The following FCHSD1 variants were observed in gnomAD, a reference collection of about 807,000 sequenced individuals.
FCHSD1 encodes the protein F-BAR and double SH3 domains protein 1.
FCHSD1 carries 109 observed loss-of-function variants against 101.3 expected under a neutral mutation model. The observed-to-expected ratio is 1.08, with a 90% CI of 0.92 to 1.26. The LOEUF (loss-of-function observed/expected upper bound fraction) is 1.26, where lower values mean the gene tolerates loss of function less well. Among genes scored for constraint, FCHSD1 ranks in the 50% most tolerant of loss-of-function variants. The pLI is 0.00. For synonymous variants in FCHSD1, 291 were observed against 356.8 expected, an observed-to-expected ratio of 0.82 and a Z score of 2.08; for missense variants, 820 against 895.8, an observed-to-expected ratio of 0.92 and a Z score of 1.08.
At position 141,641,748 on chromosome 5, in the gene FCHSD1, A is replaced by G; in HGVS notation, c.1961T>C (p.Leu654Pro). 6.2e-7 allele frequency: 1 copy of G among 1,614,058 alleles called. No homozygotes were observed. The highest frequency in any genetic ancestry group is 8.5e-7 in the Non-Finnish European group (1 of 1,179,898). The change falls in exon 19 of 20, where the codon CTG (leucine) becomes CCG (proline). Residue 654 changes from leucine to proline, a missense_variant. Coordinates refer to ENST00000435817, the MANE Select transcript of FCHSD1 (RefSeq NM_033449.3). The stretch of plus-strand genomic sequence containing the variant: ...CATGTCCAGGAACCCAGGGAAGTCC[A>G]GGGCTTTGTCTGGAAATAAGAACCA... The part of the protein sequence containing the change: ...PAPVLPGDKA[L>P]DFPGFLDMMA...
chr5:141,646,888 C>T (rs2099907733), intron 10 of FCHSD1, among the ~76,000 whole-genome samples, 166 bp from the exon 11 acceptor site: 2 of 152,150 alleles, frequency 1.3e-5, no homozygotes, highest in African/African-American at 4.8e-5. Flanking sequence ...TACAGAGCTT[C>T]AGAAATGGGA....
At position 141,649,956 on chromosome 5, in the gene FCHSD1, TG is replaced by T; in HGVS notation, c.166-3del. ...TGGGCCAGCCAGTTTCTGGAGTGCC[TG>T]GTGAAAAAGCCATCACAGAACCAAG... is the stretch of plus-strand genomic sequence containing the variant. On this transcript the variant is annotated splice_region_variant and splice_polypyrimidine_tract_variant and intron_variant, in intron 3 of 19. Transcript: ENST00000435817. This position sits in a 1 kb window ranked among gnomAD's most constrained non-coding sequence, Gnocchi z 4.1. 6.5e-7 allele frequency: 1 copy of T among 1,541,182 alleles called. No individual in the cohort carries two copies. Among genetic ancestry groups the T allele is most frequent in the Non-Finnish European group, 8.7e-7 (1 of 1,145,208 alleles).
rs780963876 is a variant in FCHSD1 at position 141,640,135 on chromosome 5, G to A, written c.*1363C>T. The A allele has an allele frequency of 6.2e-7, 1 of 1,614,066 alleles. No individual in the cohort carries two copies. Among genetic ancestry groups the A allele is most frequent in the South Asian group, 1.1e-5 (1 of 91,088 alleles). ...CTAGCCAGCCCCCCAGTACAGAATGGAGGACTCAGGGACAGCAGCCTAACC... is the reference window on the plus strand; with the variant it reads ...CTAGCCAGCCCCCCAGTACAGAATGAAGGACTCAGGGACAGCAGCCTAACC... On this transcript the variant is annotated 3_prime_UTR_variant, in exon 20 of 20. Coordinates refer to ENST00000435817, the MANE Select transcript of FCHSD1 (RefSeq NM_033449.3).
Position 141,649,449 on chromosome 5 carries a change from G to T in FCHSD1, c.321C>A (p.Tyr107Ter). Residue 107 changes from tyrosine (Y) to a stop codon, truncating the protein, a stop_gained, in exon 5 of 20, where the codon TAC (tyrosine) becomes TAA (stop). Transcript: ENST00000435817. LOFTEE classifies it high-confidence loss of function. This position sits in a 1 kb window ranked among gnomAD's most constrained non-coding sequence, Gnocchi z 4.1. Reference sequence around the variant, plus strand: ...GCCCTGTACCCCCTGCTAGGTCACGGTATCGGTCAGACGCCTGGAGTCGGG... The same window carrying T: ...GCCCTGTACCCCCTGCTAGGTCACGTTATCGGTCAGACGCCTGGAGTCGGG... ...GQTRLQASDR[Y>*]RDLAGGTGRS... 2 of 1,614,010 alleles carry T rather than the reference G, an allele frequency of 1.2e-6. No homozygotes were observed. Among genetic ancestry groups the T allele is most frequent in the South Asian group, 1.1e-5 (1 of 91,090 alleles).
At position 141,641,372 on chromosome 5, in the gene FCHSD1, G is replaced by C; in HGVS notation, c.*126C>G. On this transcript the variant is annotated 3_prime_UTR_variant, in exon 20 of 20. Coordinates refer to ENST00000435817, the MANE Select transcript of FCHSD1 (RefSeq NM_033449.3). ...GGGAAGGGGCAAGTTTCCACCCTTG[G>C]AGGTGAGGGTGGAAATAAGGGCGAT... The C allele has an allele frequency of 1.3e-5, 11 of 835,230 alleles. No homozygotes were observed. Among genetic ancestry groups the C allele is most frequent in the Non-Finnish European group, 1.8e-5 (10 of 569,374 alleles). 51.7% of individuals were successfully genotyped at this position (835,230 alleles called of 1,614,324 possible). A position where few individuals can be genotyped will look rare whatever the true frequency, so the allele number is the denominator to read the frequency against.
At chr5:141,642,731 C>T in intron 18 of FCHSD1, 1 of 542,660 alleles carries the variant, frequency 1.8e-6, no homozygotes, top group Non-Finnish European at 3.2e-6. Flanking sequence ...TCTTTTTTAA[C>T]TCTCATAAGA....
rs1027704076 is a variant in FCHSD1 at position 141,641,557 on chromosome 5, G to A, written c.2014C>T (p.Pro672Ser). 2.0e-6 allele frequency: 3 copies of A among 1,538,160 alleles called. No individual in the cohort carries two copies. Among genetic ancestry groups the A allele is most frequent in the African/African-American group, 2.7e-5 (2 of 72,850 alleles). Reference sequence around the variant, plus strand: ...GCTTTAGCCGGCGGGGGAGGTGGTGGACGCATCTGTAGGGAACACACAGTT... The same window carrying A: ...GCTTTAGCCGGCGGGGGAGGTGGTGAACGCATCTGTAGGGAACACACAGTT... Reference protein sequence around the residue: ...MMAPRLRPMRPPPPPPAKAPD... With the variant: ...MMAPRLRPMRSPPPPPAKAPD... The change falls in exon 20 of 20, where the codon CCA becomes TCA. Residue 672 changes from proline (P) to serine (S), a missense_variant. Physicochemically the swap from Pro to Ser is moderately conservative, Grantham distance 74 (BLOSUM62 -1). Coordinates refer to ENST00000435817, the MANE Select transcript of FCHSD1 (RefSeq NM_033449.3).
rs766305911 is a variant in FCHSD1, at chr5:141,647,418, C to T, written c.808G>A (p.Gly270Arg). The T allele has an allele frequency of 1.0e-5, 16 of 1,601,478 alleles. No homozygotes were observed. The highest frequency in any genetic ancestry group is 1.7e-4 in the Middle Eastern group (1 of 5,824). Residue 270 changes from glycine to arginine, a missense_variant, in exon 9 of 20, where the codon GGG becomes AGG. Coordinates refer to ENST00000435817, the MANE Select transcript of FCHSD1 (RefSeq NM_033449.3). ...AEVILEHAHR[G>R]EQTTSQVSWE... ...CTCACCTGGGAGGTTGTCTGCTCCC[C>T]GCGGTGGGCATGCTCCAGGATGACC... is the stretch of plus-strand genomic sequence containing the variant.
chr5:141,646,033 G>A, intron 12 of FCHSD1, 54 bp downstream of exon 12: 1 of 1,560,242 alleles, frequency 6.4e-7, no homozygotes, highest in Non-Finnish European at 8.7e-7. Context: ...AGGAGTAGAG[G>A]GAGTGGGGCT....
In FCHSD1 at chr5:141,649,591, C is replaced by T; in HGVS notation, c.234-55G>A. On this transcript the variant is annotated intron_variant, in intron 4 of 19. Transcript: ENST00000435817. This position sits in a 1 kb window ranked among gnomAD's most constrained non-coding sequence, Gnocchi z 4.1. ...AGAGCACTCCACAGCTTCATGAGAC[C>T]ACCCCCACCCCCTGCCCCCTGACCA... The T allele has an allele frequency of 6.4e-7, 1 of 1,564,016 alleles. No homozygotes were observed.
At chr5:141,647,731 G>T in intron 8 of FCHSD1, 1 of 957,066 alleles carries the variant, frequency 1.0e-6, no homozygotes, top group Non-Finnish European at 1.5e-6. Flanking sequence ...AGTGCTATAA[G>T]ATAGGCAGAG....
At position 141,639,471 on chromosome 5, in the gene FCHSD1, G is replaced by A; in HGVS notation, c.*2027C>T. ...CTCCTCCCTGCTGTCCAGTGTGGAT[G>A]CCACCTCCAGCCTGCAGGACGGAGC... On this transcript the variant is annotated 3_prime_UTR_variant, in exon 20 of 20. Coordinates refer to ENST00000435817, the MANE Select transcript of FCHSD1 (RefSeq NM_033449.3). This position sits in a 1 kb window ranked among gnomAD's most constrained non-coding sequence, Gnocchi z 4.4. 1 of 1,610,426 alleles carries A rather than the reference G, an allele frequency of 6.2e-7. No homozygotes were observed. The highest frequency in any genetic ancestry group is 8.5e-7 in the Non-Finnish European group (1 of 1,177,626).
chr5:141,646,797 T>C, intron 10 of FCHSD1, 75 bp from the exon 11 acceptor site: 1 of 1,544,224 alleles, frequency 6.5e-7, no homozygotes, highest in Non-Finnish European at 8.7e-7. Flanking sequence ...TTTTCCACTC[T>C]ATCTTGACCT....
rs202034143 is a variant in FCHSD1, at chr5:141,651,359, G to A, written c.10C>T (p.Pro4Ser). The change falls in exon 1 of 20, where the codon CCG becomes TCG. Residue 4 changes from proline (P) to serine (S), a missense_variant. Physicochemically the swap from Pro to Ser is moderately conservative, Grantham distance 74. Coordinates refer to ENST00000435817, the MANE Select transcript of FCHSD1 (RefSeq NM_033449.3). MQP[P>S]PRKVKPAQEV... ...AGGGCCAAGCTCACTTTTCGGGGCG[G>A]CGGCTGCATCTCCGCTCCAGCAAGG... 2 of 1,553,912 alleles carry A rather than the reference G, an allele frequency of 1.3e-6. No individual in the cohort carries two copies. The highest frequency in any genetic ancestry group is 1.7e-6 in the Non-Finnish European group (2 of 1,148,336).
intron 18 of FCHSD1, chr5:141,642,561 C>A: frequency 1.9e-6 from 1 of 535,096 alleles, no homozygotes; most frequent in Non-Finnish European, 3.3e-6. Flanking sequence ...AAAAAGTGGG[C>A]ATCAGAAAAA....
Position 141,644,229 on chromosome 5 carries a change from CAG to C in FCHSD1, c.1850_1851del (p.Ser617Ter). ...AAGGTAAGCCTCACCTGTTCAGGGT[CAG>C]AGAGTTCAGGTGGCCCTGGGGGGCC... Reference protein sequence around the residue: ...LLGPPGPPELSDPEQMLPSPS... With the variant: ...LLGPPGPPELXDPEQMLPSPS... On this transcript the variant is annotated frameshift_variant, in exon 17 of 20. Transcript: ENST00000435817. LOFTEE classifies it high-confidence loss of function. 1.2e-6 allele frequency: 2 copies of C among 1,611,528 alleles called. No individual in the cohort carries two copies. Among genetic ancestry groups the C allele is most frequent in the Non-Finnish European group, 1.7e-6 (2 of 1,178,808 alleles).
chr5:141,643,314 C>T (rs913989365), intron 17 of FCHSD1, among the ~76,000 whole-genome samples: 3 of 152,014 alleles, frequency 2.0e-5, no homozygotes, highest in African/African-American at 7.3e-5. Context: ...TTCACGTGTA[C>T]CAATTCATTC....
chr5:141,641,571 G>A lies in FCHSD1; in HGVS notation c.2008-8C>T. The A allele has an allele frequency of 6.4e-7, 1 of 1,570,610 alleles. No homozygotes were observed. Among genetic ancestry groups the A allele is most frequent in the Non-Finnish European group, 8.7e-7 (1 of 1,156,032 alleles). On this transcript the variant is annotated splice_polypyrimidine_tract_variant and splice_region_variant and intron_variant, in intron 19 of 19. Coordinates refer to ENST00000435817, the MANE Select transcript of FCHSD1 (RefSeq NM_033449.3). ...GGGAGGTGGTGGACGCATCTGTAGG[G>A]AACACACAGTTAGTGCTCCAGAGTT...
In FCHSD1 at chr5:141,644,360, C is replaced by G; in HGVS notation, c.1721G>C (p.Arg574Pro). Reference sequence around the variant, plus strand: ...TCCATCTTGGGCCCGGGGCAGCAGACGGATGAGTGCCCCCTCAGGGAAGCT... The same window carrying G: ...TCCATCTTGGGCCCGGGGCAGCAGAGGGATGAGTGCCCCCTCAGGGAAGCT... ...ELSFPEGALI[R>P]LLPRAQDGVD... is the part of the protein sequence containing the mutation. The change falls in exon 17 of 20, where the codon CGT becomes CCT. Residue 574 changes from arginine (R) to proline (P), a missense_variant. Transcript: ENST00000435817. The G allele has an allele frequency of 6.2e-7, 1 of 1,613,976 alleles. No homozygotes were observed. The highest frequency in any genetic ancestry group is 8.5e-7 in the Non-Finnish European group (1 of 1,179,880).
Sources: allele counts gnomAD v4.1 joint callset (sites outside exome capture counted in the v4.1 genomes callset), GRCh38; gene constraint gnomAD v4.1.1; non-coding constraint Gnocchi (gnomAD v3.1); transcripts MANE v1.5; gene names NCBI Gene and HGNC (gene_info 2026-07-23, HGNC 2026-07-21).